SPG21: variants seen among roughly 807,000 people sequenced by gnomAD.
SPG21 encodes SPG21 abhydrolase domain containing, maspardin, also known as maspardin.
In SPG21, 26 loss-of-function variants were observed where a neutral mutation model predicts 38.9. The ratio of observed to expected loss-of-function variants is 0.67; its 90% CI spans 0.49 to 0.93. The LOEUF (loss-of-function observed/expected upper bound fraction) is 0.93, where lower values mean the gene tolerates loss of function less well. Ranked by LOEUF, SPG21 falls within the 40% of genes least tolerant of loss-of-function variation. The pLI, the probability that SPG21 is intolerant of heterozygous loss-of-function variation, is 0.00. For missense variants in SPG21, 333 were observed against 376.5 expected (o/e 0.88, Z 0.96); for synonymous variants, 136 against 128.9 (o/e 1.05, Z -0.37).
intron 7 of SPG21, among the ~76,000 whole-genome samples, chr15:64,968,537 G>C (rs899460854): frequency 6.6e-6 from 1 of 152,076 alleles, no homozygotes; most frequent in South Asian, 2.1e-4. Context: ...AGAGGCCGGG[G>C]GAAGAAAGGG....
At position 64,969,587 on chromosome 15, in the gene SPG21, C is replaced by T. The variant is rs192355030; in HGVS notation, c.562-225G>A. 2.7e-3 allele frequency among the ~76,000 whole-genome samples: 413 copies of T among 152,162 alleles called. 1 individual carries two copies. The highest frequency in any genetic ancestry group is 9.3e-3 in the African/African-American group (388 of 41,510). On this transcript the variant is annotated intron_variant, in intron 6 of 8. Transcript: ENST00000204566. The stretch of plus-strand genomic sequence containing the variant: ...AACCTGGGTACAAACCAATGAAACC[C>T]GGCCTTCTACAGCCCTCAGCCTACA...
chr15:64,984,861 T>C (rs973643246), intron 1 of SPG21, among the ~76,000 whole-genome samples: 4 of 151,364 alleles, frequency 2.6e-5, no homozygotes, highest in Admixed American at 1.3e-4. Context: ...GCGATTCTCC[T>C]GCCTCAGCCT....
intron 1 of SPG21, among the ~76,000 whole-genome samples, 193 bp from the exon 2 acceptor site, chr15:64,983,786 T>C (rs543562395): frequency 7.3e-6 from 1 of 136,854 alleles, no homozygotes; most frequent in African/African-American, 2.8e-5. Context: ...AGAAGCACTC[T>C]TTTTTTTTTT....
chr15:64,985,684 G>C (rs757106857), intron 1 of SPG21, among the ~76,000 whole-genome samples: 8 of 152,272 alleles, frequency 5.3e-5, no homozygotes, highest in Non-Finnish European at 8.8e-5. Context: ...ACTCTGAACT[G>C]TCGTTTTAGA....
chr15:64,967,430 TGGGATCACA>T (rs2085562204), intron 7 of SPG21, among the ~76,000 whole-genome samples: 1 of 151,404 alleles, frequency 6.6e-6, no homozygotes, highest in Non-Finnish European at 1.5e-5. Flanking sequence ...CCCAAGTAGC[TGGGATCACA>T]GGGATGTGGC....
At chr15:64,983,189 CA>C (rs1206050529) in intron 2 of SPG21, 4 of 249,728 alleles carry the variant, frequency 1.6e-5, no homozygotes, top group South Asian at 7.3e-5. Flanking sequence ...ACCTGGGAAG[CA>C]GAGGTTGCAG....
In SPG21 at chr15:64,979,381, G is replaced by C. The variant is rs115518101; in HGVS notation, c.225+1483C>G. ...CTCAGGCTGCAGAGGGCTGGGATGA[G>C]GGCAGTTCCCACCCTGTTCTAGAAT... On this transcript the variant is annotated intron_variant, in intron 3 of 8. Coordinates refer to ENST00000204566, the MANE Select transcript of SPG21 (RefSeq NM_016630.7). Among the ~76,000 whole-genome samples, 451 of 152,252 alleles carry C rather than the reference G, an allele frequency of 3.0e-3. 2 individuals carry two copies. The highest frequency in any genetic ancestry group is 9.3e-3 in the African/African-American group (386 of 41,544).
chr15:64,976,097 T>C (rs946629084), intron 4 of SPG21, among the ~76,000 whole-genome samples: 4 of 152,192 alleles, frequency 2.6e-5, no homozygotes, highest in Admixed American at 2.0e-4. Context: ...AATTATATGG[T>C]ATATGAATTA....
At chr15:64,986,226 C>T (rs1320672512) in intron 1 of SPG21, among the ~76,000 whole-genome samples, 7 of 151,702 alleles carry the variant, frequency 4.6e-5, no homozygotes, top group African/African-American at 1.5e-4. Context: ...ATTAGCCTGG[C>T]GTGGTGGCGC....
intron 1 of SPG21, among the ~76,000 whole-genome samples, chr15:64,987,759 G>A (rs1373423693): frequency 6.6e-6 from 1 of 152,248 alleles, no homozygotes; most frequent in African/African-American, 2.4e-5. Flanking sequence ...TTGTGGCTGG[G>A]TGCAGTGGCT....
rs1473817714 is a variant in SPG21, at chr15:64,970,226, T to A, written c.453-4A>T. The A allele has an allele frequency of 1.2e-6, 2 of 1,610,460 alleles. No homozygotes were observed. The highest frequency in any genetic ancestry group is 1.7e-6 in the Non-Finnish European group (2 of 1,176,964). The stretch of plus-strand genomic sequence containing the variant: ...AAATGCAGGCATCAGCCAAAAGCTG[T>A]AAAACACAAAGACCTTATAATTTAA... On this transcript the variant is annotated splice_region_variant and splice_polypyrimidine_tract_variant and intron_variant, in intron 5 of 8. Coordinates refer to ENST00000204566, the MANE Select transcript of SPG21 (RefSeq NM_016630.7).
intron 8 of SPG21, among the ~76,000 whole-genome samples, chr15:64,964,908 G>C (rs1165705770): frequency 6.6e-6 from 1 of 152,180 alleles, no homozygotes; most frequent in Non-Finnish European, 1.5e-5. Context: ...GAGATTACAG[G>C]CATGAGCCAC....
intron 3 of SPG21, 109 bp from the exon 4 acceptor site, chr15:64,976,664 C>T (rs1205547277): frequency 6.6e-6 from 5 of 756,712 alleles, no homozygotes; most frequent in African/African-American, 1.8e-5. Flanking sequence ...TTTGCTCAAG[C>T]GCTGCTCCTT....
At chr15:64,971,463 C>T (rs1041162474) in intron 5 of SPG21, among the ~76,000 whole-genome samples, 5 of 150,612 alleles carry the variant, frequency 3.3e-5, no homozygotes, top group Admixed American at 6.6e-5. Context: ...GGCGTGAACC[C>T]AGGAGATGGA....
chr15:64,987,924 C>T (rs758135173), intron 1 of SPG21, among the ~76,000 whole-genome samples: 2 of 152,166 alleles, frequency 1.3e-5, no homozygotes, highest in African/African-American at 2.4e-5. Flanking sequence ...ATCCCAGCTA[C>T]GCAGGAAGCT....
At chr15:64,984,479 A>G (rs1429942338) in intron 1 of SPG21, among the ~76,000 whole-genome samples, 58 of 151,926 alleles carry the variant, frequency 3.8e-4, no homozygotes, top group Admixed American at 3.8e-3. Context: ...TCAGCCTCCT[A>G]AGTAGCTGAG....
chr15:64,983,093 A>G (rs1392647648), intron 2 of SPG21: 5 of 263,822 alleles, frequency 1.9e-5, no homozygotes. Flanking sequence ...CTCTGCCTCT[A>G]CTAAAAATAC....
At chr15:64,973,910 A>G (rs1223614182) in intron 5 of SPG21, among the ~76,000 whole-genome samples, 2 of 152,192 alleles carry the variant, frequency 1.3e-5, no homozygotes, top group African/African-American at 4.8e-5. Flanking sequence ...TTGTACAAAG[A>G]TTTACTGTAG....
At position 64,975,149 on chromosome 15, in the gene SPG21, A is replaced by G. The variant is rs113128649; in HGVS notation, c.307-402T>C. 7.8e-3 allele frequency among the ~76,000 whole-genome samples: 1,187 copies of G among 152,014 alleles called. 52 individuals carry two copies. The South Asian group carries it at 0.12, about 16-fold the overall frequency. On this transcript the variant is annotated intron_variant, in intron 4 of 8. Transcript: ENST00000204566. ...AAAAATACAAAAAAACTAGCCAGGC[A>G]TGGTGGTGCGTGCCTGTAGTCCCAG... is the stretch of plus-strand genomic sequence containing the variant.
Sources: gnomAD v4.1 joint callset for allele counts (sites outside exome capture counted in the v4.1 genomes callset) on GRCh38, gnomAD v4.1.1 for gene constraint, MANE v1.5 for transcripts, NCBI Gene and HGNC (gene_info 2026-07-23, HGNC 2026-07-21) for gene names.